Variants in RBMS3 observed in about 807,000 individuals in gnomAD.
RBMS3 encodes the protein RNA-binding motif, single-stranded-interacting protein 3.
In RBMS3, 27 loss-of-function variants were observed where a neutral mutation model predicts 66.8. The observed-to-expected ratio is 0.40, with a 90% CI of 0.30 to 0.56. RBMS3 has a LOEUF of 0.56. RBMS3 is among the 20% of genes least tolerant of loss of function. RBMS3 has a pLI of 0.40. For missense variants in RBMS3, 513 were observed against 549.5 expected (o/e 0.93, Z 0.66); for synonymous variants, 188 against 183.0 (o/e 1.03, Z -0.22).
chr3:29,334,754 C>T (rs2035852079), intron 1 of RBMS3, among the ~76,000 whole-genome samples: 1 of 152,158 alleles, frequency 6.6e-6, no homozygotes, highest in African/African-American at 2.4e-5. Context: ...TTTGGGTCTG[C>T]TGTTGCTGAG....
chr3:29,839,333 T>A (rs914637776), intron 6 of RBMS3, among the ~76,000 whole-genome samples: 1 of 152,128 alleles, frequency 6.6e-6, no homozygotes, highest in Non-Finnish European at 1.5e-5. Flanking sequence ...CTGCGGTGGC[T>A]CTCATAGTCA....
chr3:29,344,365 T>G (rs533439524), intron 1 of RBMS3, among the ~76,000 whole-genome samples: 1 of 152,330 alleles, frequency 6.6e-6, no homozygotes, highest in Non-Finnish European at 1.5e-5. Context: ...TAGCAATGGC[T>G]TACTTCCTGA....
intron 2 of RBMS3, among the ~76,000 whole-genome samples, chr3:29,440,151 T>TA (rs1390378108): frequency 6.6e-6 from 1 of 152,190 alleles, no homozygotes; most frequent in East Asian, 1.9e-4. Context: ...AAATTGTTCC[T>TA]AAAAAATAAA....
chr3:29,918,151 G>T (rs184905564), intron 10 of RBMS3, among the ~76,000 whole-genome samples: 206 of 152,048 alleles, frequency 1.4e-3, no homozygotes, highest in Non-Finnish European at 2.2e-3. Flanking sequence ...TATCTGGCTT[G>T]ATTTTTTTCA....
intron 12 of RBMS3, among the ~76,000 whole-genome samples, chr3:29,987,401 A>G (rs1559865166): frequency 6.6e-6 from 1 of 152,188 alleles, no homozygotes; most frequent in Non-Finnish European, 1.5e-5. Context: ...CTTCATTGCA[A>G]AAATACAACT....
chr3:29,752,705 G>A (rs2055236489), intron 5 of RBMS3, among the ~76,000 whole-genome samples: 1 of 152,164 alleles, frequency 6.6e-6, no homozygotes, highest in African/African-American at 2.4e-5. Context: ...TTTGCAAATA[G>A]TTTCTTTCCT....
intron 8 of RBMS3, among the ~76,000 whole-genome samples, chr3:29,889,759 T>A (rs547392765): frequency 1.3e-5 from 2 of 151,796 alleles, no homozygotes; most frequent in Admixed American, 6.6e-5. Context: ...CATATCTTAT[T>A]CATTTTCATA....
intron 4 of RBMS3, among the ~76,000 whole-genome samples, chr3:29,658,137 A>T (rs1019161930): frequency 6.6e-6 from 1 of 152,206 alleles, no homozygotes; most frequent in Admixed American, 6.5e-5. Context: ...AGGGAAGATA[A>T]TAAAAATAGG....
intron 2 of RBMS3, among the ~76,000 whole-genome samples, chr3:29,448,811 C>A (rs543728620): frequency 2.6e-5 from 4 of 152,242 alleles, no homozygotes; most frequent in Admixed American, 6.5e-5. Context: ...AATGAGGTAA[C>A]CTTATATTCT....
At chr3:29,361,060 A>G (rs1479239005) in intron 1 of RBMS3, among the ~76,000 whole-genome samples, 1 of 151,912 alleles carries the variant, frequency 6.6e-6, no homozygotes, top group East Asian at 1.9e-4. Flanking sequence ...TAAGGTTAAT[A>G]TTGTTATGTG....
At chr3:29,417,710 G>T (rs1023404967) in intron 1 of RBMS3, among the ~76,000 whole-genome samples, 5 of 152,060 alleles carry the variant, frequency 3.3e-5, no homozygotes, top group Admixed American at 1.3e-4. Flanking sequence ...CACCAAAGTC[G>T]GGAATATCTG....
intron 3 of RBMS3, among the ~76,000 whole-genome samples, chr3:29,584,214 C>T (rs1458997199): frequency 1.3e-5 from 2 of 152,118 alleles, no homozygotes; most frequent in Non-Finnish European, 2.9e-5. Context: ...ATTGATCTCT[C>T]CCTCCTCAGA....
chr3:29,379,858 A>C (rs1467033899), intron 1 of RBMS3, among the ~76,000 whole-genome samples: 3 of 152,178 alleles, frequency 2.0e-5, no homozygotes, highest in Admixed American at 6.5e-5. Context: ...AAATCATTTC[A>C]GTCTGTGATC....
At chr3:29,296,102 T>G (rs2033243683) in intron 1 of RBMS3, among the ~76,000 whole-genome samples, 1 of 151,814 alleles carries the variant, frequency 6.6e-6, no homozygotes, top group Non-Finnish European at 1.5e-5. Flanking sequence ...CCTTCCTTTG[T>G]GACACTATCA....
rs1699785886 is a variant in RBMS3 at position 30,005,657 on chromosome 3, G to C, written c.*1795G>C. ...ATCACCTACCATGAATAGTCACCTTGGTTTTGCAAATGGGGAGGGGGTATC... is the reference window on the plus strand; with the variant it reads ...ATCACCTACCATGAATAGTCACCTTCGTTTTGCAAATGGGGAGGGGGTATC... On this transcript the variant is annotated 3_prime_UTR_variant, in exon 15 of 15. Transcript: ENST00000383767. 6.6e-6 allele frequency: 1 copy of C among 151,700 alleles called. No individual in the cohort carries two copies. Among genetic ancestry groups the C allele is most frequent in the African/African-American group, 2.4e-5 (1 of 41,314 alleles). The allele number at this position is 151,700 out of a possible 1,614,324, so 9.4% of individuals were successfully genotyped here.
At chr3:29,557,922 A>G (rs1212083133) in intron 3 of RBMS3, among the ~76,000 whole-genome samples, 1 of 152,206 alleles carries the variant, frequency 6.6e-6, no homozygotes, top group Non-Finnish European at 1.5e-5. Context: ...AAGACTGTTT[A>G]TCATACTTAA....
At chr3:29,298,554 A>T (rs542851501) in intron 1 of RBMS3, among the ~76,000 whole-genome samples, 2 of 152,044 alleles carry the variant, frequency 1.3e-5, no homozygotes, top group East Asian at 3.9e-4. Context: ...TACTAAAGCT[A>T]AGACAAAAAT....
At chr3:29,823,329 G>A (rs1166441436) in intron 6 of RBMS3, among the ~76,000 whole-genome samples, 2 of 151,962 alleles carry the variant, frequency 1.3e-5, no homozygotes, top group Non-Finnish European at 2.9e-5. Flanking sequence ...GGAAAATTCT[G>A]TACTCTTTTA....
At chr3:29,675,969 T>G (rs1292855483) in intron 4 of RBMS3, among the ~76,000 whole-genome samples, 2 of 152,228 alleles carry the variant, frequency 1.3e-5, no homozygotes, top group African/African-American at 4.8e-5. Flanking sequence ...TAAAGACACA[T>G]GCACACATAT....
Sources: allele counts gnomAD v4.1 joint callset (sites outside exome capture counted in the v4.1 genomes callset), GRCh38; gene constraint gnomAD v4.1.1; transcripts MANE v1.5; gene names NCBI Gene and HGNC (gene_info 2026-07-23, HGNC 2026-07-21).